The following CACNA1A variants were observed in gnomAD, a reference collection of about 807,000 sequenced individuals.
CACNA1A encodes calcium voltage-gated channel subunit alpha1 A, also known as voltage-dependent P/Q-type calcium channel subunit alpha-1A.
In CACNA1A, 57 loss-of-function variants were observed where a neutral mutation model predicts 262.4. The ratio of observed to expected loss-of-function variants is 0.22; its 90% confidence interval spans 0.18 to 0.27. The LOEUF (loss-of-function observed/expected upper bound fraction) is 0.27. CACNA1A is among the 10% of genes least tolerant of loss of function. The pLI is 1.00. For missense variants in CACNA1A, 2,526 were observed against 3,562.8 expected (o/e 0.71, Z 7.41); for synonymous variants, 1,431 against 1,419.3 (o/e 1.01, Z -0.18).
At chr19:13,346,962 G>A (rs140197400) in intron 6 of CACNA1A, among the ~76,000 whole-genome samples, 14,244 of 151,042 alleles carry the variant, frequency 0.094, 906 homozygotes, top group East Asian at 0.37. Context: ...TTACAGGCAT[G>A]AGCCACCGTG....
intron 3 of CACNA1A, among the ~76,000 whole-genome samples, chr19:13,442,262 G>A (rs1284957036): frequency 1.3e-5 from 2 of 152,174 alleles, no homozygotes; most frequent in Admixed American, 1.3e-4. Flanking sequence ...TGAACAACTA[G>A]GATTCAATTT....
chr19:13,285,358 T>C (rs1342452763), intron 20 of CACNA1A, among the ~76,000 whole-genome samples, 152 bp from the exon 21 acceptor site: 4 of 152,068 alleles, frequency 2.6e-5, no homozygotes, highest in African/African-American at 7.2e-5. Flanking sequence ...ACTGAACCCT[T>C]GTATAGCCCT....
Position 13,286,620 on chromosome 19 carries a change from C to G in CACNA1A, c.3436G>C (p.Val1146Leu). 6.6e-7 allele frequency: 1 copy of G among 1,526,154 alleles called. No individual in the cohort carries two copies. 94.5% of individuals were successfully genotyped at this position (1,526,154 alleles called of 1,614,324 possible). The stretch of plus-strand genomic sequence containing the variant: ...GTCTGGGTGCCGCTGGGGTTGGTGA[C>G]GATAAGGCTATTCTCGGGGGTCTTG... ...PPKTPENSLI[V>L]TNPSGTQTNS... is the part of the protein sequence containing the mutation. Residue 1146 changes from valine to leucine, a missense_variant, in exon 20 of 47, where the codon GTC becomes CTC. Physicochemically the swap from Val to Leu is conservative, Grantham distance 32. This residue lies in a region of CACNA1A where 765 missense variants were observed against 748.6 expected (regional missense o/e 1.02). Transcript: ENST00000360228.
intron 6 of CACNA1A, among the ~76,000 whole-genome samples, chr19:13,347,367 T>C (rs2058811427): frequency 6.6e-6 from 1 of 151,886 alleles, no homozygotes; most frequent in Non-Finnish European, 1.5e-5. Context: ...TGCCCGGCCA[T>C]TCGGGGTGTA....
intron 19 of CACNA1A, among the ~76,000 whole-genome samples, chr19:13,291,112 C>G (rs926117663): frequency 2.5e-4 from 38 of 152,116 alleles, no homozygotes; most frequent in African/African-American, 9.2e-4. Context: ...ACCCCTACCC[C>G]CTTCTCCCTG....
chr19:13,341,594 C>A (rs1027084950), intron 6 of CACNA1A, among the ~76,000 whole-genome samples: 4 of 152,142 alleles, frequency 2.6e-5, no homozygotes, highest in African/African-American at 9.6e-5. Context: ...AGTCCTACCT[C>A]GGCCCTTGCA....
At chr19:13,495,735 C>G (rs918414096) in intron 1 of CACNA1A, among the ~76,000 whole-genome samples, 1 of 152,030 alleles carries the variant, frequency 6.6e-6, no homozygotes, top group African/African-American at 2.4e-5. Flanking sequence ...CCCTTATATC[C>G]AACATCCACC....
chr19:13,243,812 GCCTC>G (rs2056151007), intron 31 of CACNA1A: 1 of 152,402 alleles, frequency 6.6e-6, no homozygotes, highest in Admixed American at 6.6e-5. Context: ...GCCGGCTTCG[GCCTC>G]CCAAAGTGCT....
At chr19:13,456,576 AGGCAGGAGAATGGC>A (rs532111989) in intron 1 of CACNA1A, among the ~76,000 whole-genome samples, 218 of 151,992 alleles carry the variant, frequency 1.4e-3, no homozygotes, top group African/African-American at 5.0e-3. Context: ...CGGGAGGCTG[AGGCAGGAGAATGGC>A]GTGAACCTGG....
At chr19:13,249,800 A>G (rs1314066746) in intron 30 of CACNA1A, among the ~76,000 whole-genome samples, 2 of 113,418 alleles carry the variant, frequency 1.8e-5, no homozygotes, top group African/African-American at 7.1e-5. Flanking sequence ...GACAAAGCTT[A>G]TATAGGACGA....
In CACNA1A at chr19:13,208,624, G is replaced by C. The variant is rs1191234405; in HGVS notation, c.6780+132C>G. On this transcript the variant is annotated intron_variant, in intron 46 of 46. Coordinates refer to ENST00000360228, the MANE Select transcript of CACNA1A (RefSeq NM_001127222.2). Reference sequence around the variant, plus strand: ...CCGCCGGGCACCCCGGTGGCTTGGGGGCAGGATGGGAGGTGGTCACAGCCG... The same window carrying C: ...CCGCCGGGCACCCCGGTGGCTTGGGCGCAGGATGGGAGGTGGTCACAGCCG... 48 of 1,183,518 alleles carry C rather than the reference G, an allele frequency of 4.1e-5. No individual in the cohort carries two copies. The East Asian group carries it at 1.3e-3, about 31-fold the overall frequency. 73.3% of individuals were successfully genotyped at this position (1,183,518 alleles called of 1,614,324 possible).
At chr19:13,226,237 G>T (rs2055435026) in intron 37 of CACNA1A, 1 of 125,414 alleles carries the variant, frequency 8.0e-6, no homozygotes, top group Admixed American at 9.1e-5. Context: ...ACTGAGAGAA[G>T]CGACTTGAGG....
chr19:13,489,536 T>A (rs1462764121), intron 1 of CACNA1A, among the ~76,000 whole-genome samples: 1 of 152,194 alleles, frequency 6.6e-6, no homozygotes, highest in African/African-American at 2.4e-5. Flanking sequence ...CCTCTCAAAG[T>A]GCTGGGATTA....
intron 3 of CACNA1A, among the ~76,000 whole-genome samples, chr19:13,441,078 GT>G (rs2060710574): frequency 6.6e-6 from 1 of 152,210 alleles, no homozygotes; most frequent in South Asian, 2.1e-4. Flanking sequence ...TTCCCAAAGT[GT>G]TTGGATTACA....
At chr19:13,215,086 T>G (rs1661868384) in intron 38 of CACNA1A, 1 of 154,816 alleles carries the variant, frequency 6.5e-6, no homozygotes, top group African/African-American at 2.4e-5. Flanking sequence ...CTTGGCTCAC[T>G]GCAACCTCCG....
chr19:13,316,530 T>G (rs1470654636), intron 11 of CACNA1A: 1 of 139,578 alleles, frequency 7.2e-6, no homozygotes, highest in Admixed American at 7.4e-5. Context: ...AAGTATTAGG[T>G]TGGTGCAAAA....
chr19:13,393,760 CCCTTCCCTCCCTCCCTCCCTCCTTCCTT>C (rs2059758577), intron 3 of CACNA1A, among the ~76,000 whole-genome samples: 1 of 92,642 alleles, frequency 1.1e-5, no homozygotes, highest in African/African-American at 3.2e-5. Context: ...CCCCTTCCTT[CCCTTCCCTCCCTCCCTCCCTCCTTCCTT>C]CCTTCCTTCC....
intron 3 of CACNA1A, among the ~76,000 whole-genome samples, chr19:13,435,583 A>G (rs1318532105): frequency 5.9e-5 from 9 of 152,102 alleles, no homozygotes; most frequent in Non-Finnish European, 1.0e-4. Flanking sequence ...TACACTGGGG[A>G]CAATGACGGC....
intron 1 of CACNA1A, among the ~76,000 whole-genome samples, chr19:13,463,043 G>T (rs1467067280): frequency 6.6e-6 from 1 of 151,964 alleles, no homozygotes; most frequent in Non-Finnish European, 1.5e-5. Flanking sequence ...TTACAGGTAT[G>T]AGCCACTGTG....
Sources: gnomAD v4.1 joint callset for allele counts (sites outside exome capture counted in the v4.1 genomes callset) on GRCh38, gnomAD v4.1.1 for gene constraint, gnomAD v4.1.1 regional missense constraint, MANE v1.5 for transcripts, NCBI Gene and HGNC (gene_info 2026-07-23, HGNC 2026-07-21) for gene names.